The following CNOT3 variants were observed in gnomAD, a reference collection of about 807,000 sequenced individuals.
CNOT3 encodes CCR4-associated factor 3.
In CNOT3, 2 loss-of-function variants were observed where a neutral mutation model predicts 89.4. That is an observed-to-expected ratio of 0.02 (90% CI 0.01 to 0.07). The LOEUF is 0.07. CNOT3 is among the 10% of genes least tolerant of loss of function. CNOT3 has a pLI of 1.00. For synonymous variants in CNOT3, 486 were observed against 402.0 expected, an observed-to-expected ratio of 1.21 and a Z score of -2.50; for missense variants, 664 against 1,010.2, an observed-to-expected ratio of 0.66 and a Z score of 4.65.
intron 9 of CNOT3, 59 bp from the exon 10 acceptor site, chr19:54,146,542 G>A (rs1418821954): frequency 8.2e-6 from 7 of 857,434 alleles, no homozygotes; most frequent in South Asian, 4.0e-5. Context: ...AGAGATTGGC[G>A]GTTCTCCATC....
At chr19:54,143,282 AC>A in intron 3 of CNOT3, 96 bp downstream of exon 3, 1 of 1,246,288 alleles carries the variant, frequency 8.0e-7, no homozygotes, top group South Asian at 1.2e-5. Flanking sequence ...GGGAGGGGCT[AC>A]ATATGCAGAT....
chr19:54,155,602 T>A lies in CNOT3; in HGVS notation c.*195T>A. On this transcript the variant is annotated 3_prime_UTR_variant, in exon 18 of 18. Coordinates refer to ENST00000221232, the MANE Select transcript of CNOT3 (RefSeq NM_014516.4). ...CCCGGGGGCGAGGGCTGCCCCCTCC[T>A]CCCCTCCCCAGTGAGGGACATTTTT... 1 of 1,128,292 alleles carries A rather than the reference T, an allele frequency of 8.9e-7. No homozygotes were observed. Among genetic ancestry groups the A allele is most frequent in the Non-Finnish European group, 1.3e-6 (1 of 797,718 alleles). 69.9% of individuals were successfully genotyped at this position (1,128,292 alleles called of 1,614,324 possible). A position where few individuals can be genotyped will look rare whatever the true frequency, so the allele number is the denominator to read the frequency against.
chr19:54,147,794 A>C (rs1163926715), intron 10 of CNOT3, among the ~76,000 whole-genome samples: 1 of 152,130 alleles, frequency 6.6e-6, no homozygotes, highest in African/African-American at 2.4e-5. Context: ...CTAATCTCAT[A>C]TTGAGAACAC....
At chr19:54,146,877 G>C (rs1383451637) in intron 10 of CNOT3, among the ~76,000 whole-genome samples, 5 of 152,242 alleles carry the variant, frequency 3.3e-5, no homozygotes, top group African/African-American at 1.2e-4. Context: ...TGGCCAGGCA[G>C]TCAGGAGATG....
intron 10 of CNOT3, among the ~76,000 whole-genome samples, chr19:54,147,154 T>G (rs1308965279): frequency 6.6e-6 from 1 of 152,156 alleles, no homozygotes; most frequent in African/African-American, 2.4e-5. Flanking sequence ...TAATACACAC[T>G]GCAAATTTCT....
intron 9 of CNOT3, 147 bp downstream of exon 9, chr19:54,146,190 G>A (rs1366628615): frequency 1.1e-5 from 9 of 840,176 alleles, no homozygotes; most frequent in African/African-American, 3.4e-5. Context: ...TGGAGCACAC[G>A]CTAAGGTCCT....
At position 54,152,558 on chromosome 19, in the gene CNOT3, C is replaced by T; in HGVS notation, c.1836C>T (p.Leu612=). 1.2e-6 allele frequency: 2 copies of T among 1,614,160 alleles called. No individual in the cohort carries two copies. The highest frequency in any genetic ancestry group is 1.7e-6 in the Non-Finnish European group (2 of 1,180,002). Residue 612 remains leucine, a synonymous_variant, in exon 15 of 18, where the codon CTC becomes CTT. Coordinates refer to ENST00000221232, the MANE Select transcript of CNOT3 (RefSeq NM_014516.4). Reference sequence around the variant, plus strand: ...CTGTGCCCCTCACCAAGGAGCAGCTCTATCAGCAGGCCATGGAAGAGGCCG... The same window carrying T: ...CTGTGCCCCTCACCAAGGAGCAGCTTTATCAGCAGGCCATGGAAGAGGCCG... The part of the protein sequence containing the change: ...LGPVPLTKEQ[L]YQQAMEEAAW...
chr19:54,146,321 C>T (rs1224456656), intron 9 of CNOT3, among the ~76,000 whole-genome samples: 4 of 152,164 alleles, frequency 2.6e-5, no homozygotes, highest in Non-Finnish European at 5.9e-5. Context: ...GGGTAGCTGG[C>T]CACCTTGGGC....
rs1468775848 is a variant in CNOT3, at chr19:54,146,154, A to T, written c.837+111A>T. On this transcript the variant is annotated intron_variant, in intron 9 of 17. Coordinates refer to ENST00000221232, the MANE Select transcript of CNOT3 (RefSeq NM_014516.4). Reference sequence around the variant, plus strand: ...TGGGAGCGTAATTGAGGAAACACAGATCTAGGTATCCAGGGTCTAGGCTCT... The same window carrying T: ...TGGGAGCGTAATTGAGGAAACACAGTTCTAGGTATCCAGGGTCTAGGCTCT... 2.6e-6 allele frequency: 3 copies of T among 1,163,794 alleles called. No homozygotes were observed. In the African/African-American group the frequency reaches 4.5e-5, roughly 18 times the overall value. 72.1% of individuals were successfully genotyped at this position (1,163,794 alleles called of 1,614,324 possible).
In CNOT3 at chr19:54,149,709, G is replaced by A; in HGVS notation, c.1556G>A (p.Gly519Asp). Reference protein sequence around the residue: ...TPSFSDAKAAGALLNGPPQFS... With the variant: ...TPSFSDAKAADALLNGPPQFS... ...AGCTTCAGTGATGCCAAGGCAGCCG[G>A]TGCCCTGCTCAATGGGCCTCCACAG... Residue 519 changes from glycine to aspartate, a missense_variant, in exon 13 of 18, where the codon GGT becomes GAT. Gly to Asp is a moderately conservative substitution (Grantham distance 94). Coordinates refer to ENST00000221232, the MANE Select transcript of CNOT3 (RefSeq NM_014516.4). The A allele has an allele frequency of 1.2e-6, 2 of 1,613,954 alleles. No individual in the cohort carries two copies. Among genetic ancestry groups the A allele is most frequent in the Non-Finnish European group, 1.7e-6 (2 of 1,179,938 alleles).
chr19:54,143,094 C>T (rs1346055137), intron 2 of CNOT3, 25 bp from the exon 3 acceptor site: 2 of 1,613,418 alleles, frequency 1.2e-6, no homozygotes, highest in East Asian at 4.5e-5. Context: ...GCAGGATTCT[C>T]ACAGCCTTGT....
chr19:54,140,880 G>A (rs587628493), intron 1 of CNOT3, among the ~76,000 whole-genome samples: 5 of 152,316 alleles, frequency 3.3e-5, no homozygotes, highest in Admixed American at 6.5e-5. Flanking sequence ...TCCTTTCCGT[G>A]TGGAGACACA....
intron 9 of CNOT3, 119 bp from the exon 10 acceptor site, chr19:54,146,482 G>T: frequency 1.4e-6 from 1 of 739,268 alleles, no homozygotes. Context: ...CATTTGACCA[G>T]CTCTGGGGCC....
intron 16 of CNOT3, 37 bp from the exon 17 acceptor site, chr19:54,153,678 G>A: frequency 1.3e-6 from 2 of 1,597,148 alleles, no homozygotes; most frequent in Non-Finnish European, 8.6e-7. Flanking sequence ...CCAGTTTGGG[G>A]GCCCCCTGAT....
chr19:54,143,960 C>T (rs2074557440), intron 5 of CNOT3, 46 bp from the exon 6 acceptor site: 1 of 1,581,472 alleles, frequency 6.3e-7, no homozygotes, highest in East Asian at 2.2e-5. Context: ...TTAGTCAGCT[C>T]CTTTCCCACC....
At chr19:54,150,606 C>CTGTCCAGGAGGCAGTGTGCGCGCCCAGGG (rs2075029534) in intron 13 of CNOT3, among the ~76,000 whole-genome samples, 1 of 151,550 alleles carries the variant, frequency 6.6e-6, no homozygotes. Context: ...CGCGCCCAGG[C>CTGTCCAGGAGGCAGTGTGCGCGCCCAGGG]TGTCCAGGAG....
Position 54,142,839 on chromosome 19 carries a change from A to G in CNOT3, c.-50-90A>G, listed in dbSNP as rs1284728872. 3 of 817,388 alleles carry G rather than the reference A, an allele frequency of 3.7e-6. No individual in the cohort carries two copies. In the South Asian group the frequency reaches 4.1e-5, roughly 11 times the overall value. 50.6% of individuals were successfully genotyped at this position (817,388 alleles called of 1,614,324 possible). A position where few individuals can be genotyped will look rare whatever the true frequency, so the allele number is the denominator to read the frequency against. On this transcript the variant is annotated intron_variant, in intron 1 of 17. Coordinates refer to ENST00000221232, the MANE Select transcript of CNOT3 (RefSeq NM_014516.4). ...AATGCTTCTTCTCTTTACCAGTCCCACCTACCTCACTATGCTGACTAGGTC... is the reference window on the plus strand; with the variant it reads ...AATGCTTCTTCTCTTTACCAGTCCCGCCTACCTCACTATGCTGACTAGGTC...
intron 1 of CNOT3, among the ~76,000 whole-genome samples, chr19:54,138,962 T>C (rs2074338058): frequency 6.6e-6 from 1 of 152,200 alleles, no homozygotes; most frequent in African/African-American, 2.4e-5. Context: ...TCTCCGACCT[T>C]CTGGGTGTGG....
intron 16 of CNOT3, 37 bp downstream of exon 16, chr19:54,153,036 G>C (rs367746054): frequency 1.9e-6 from 3 of 1,582,416 alleles, no homozygotes; most frequent in Non-Finnish European, 2.6e-6. Context: ...CGGGCCCCCC[G>C]GCTTCGCCGC....
Sources: allele counts gnomAD v4.1 joint callset (sites outside exome capture counted in the v4.1 genomes callset), GRCh38; gene constraint gnomAD v4.1.1; transcripts MANE v1.5; gene names NCBI Gene and HGNC (gene_info 2026-07-23, HGNC 2026-07-21).